Variants in NRG1 observed in about 807,000 individuals in gnomAD.
The protein encoded by NRG1 is pro-neuregulin-1, membrane-bound isoform.
A neutral mutation model predicts 63.8 loss-of-function variants in NRG1; 18 were observed. The ratio of observed to expected loss-of-function variants is 0.28; its 90% CI spans 0.19 to 0.42. The LOEUF (loss-of-function observed/expected upper bound fraction) is 0.42, where lower values mean the gene tolerates loss of function less well. Ranked by LOEUF, NRG1 falls within the 10% of genes least tolerant of loss-of-function variation. The pLI is 1.00. For synonymous variants in NRG1, 302 were observed against 301.3 expected (o/e 1.00, Z -0.02); for missense variants, 762 against 814.7 (o/e 0.94, Z 0.79).
At chr8:31,831,512 G>A (rs1341927569) in intron 1 of NRG1, among the ~76,000 whole-genome samples, 2 of 152,162 alleles carry the variant, frequency 1.3e-5, no homozygotes, top group South Asian at 2.1e-4. Flanking sequence ...TGAGACAGAT[G>A]TAAAACAATT....
chr8:32,233,543 A>G (rs1196194593), intron 1 of NRG1, among the ~76,000 whole-genome samples: 2 of 53,660 alleles, frequency 3.7e-5, no homozygotes, highest in African/African-American at 2.8e-4. Context: ...AAGAATATAT[A>G]TATATATATA....
chr8:31,894,815 G>C (rs1451367886), intron 1 of NRG1, among the ~76,000 whole-genome samples: 1 of 152,058 alleles, frequency 6.6e-6, no homozygotes, highest in Non-Finnish European at 1.5e-5. Flanking sequence ...CTGCCAAAGT[G>C]CTGGGATTAC....
intron 5 of NRG1, among the ~76,000 whole-genome samples, chr8:32,699,783 T>G (rs985133369): frequency 1.3e-5 from 2 of 152,154 alleles, no homozygotes; most frequent in Non-Finnish European, 2.9e-5. Context: ...ATAATGTCAA[T>G]GTGTAAATCC....
At chr8:32,678,911 C>CCT (rs5890677) in intron 5 of NRG1, among the ~76,000 whole-genome samples, 2 of 151,588 alleles carry the variant, frequency 1.3e-5, no homozygotes, top group East Asian at 3.9e-4. Context: ...TTATTGGTGA[C>CCT]GAGCTGGGTA....
intron 1 of NRG1, among the ~76,000 whole-genome samples, chr8:32,470,030 ATTTTTT>A (rs71208185): frequency 2.3e-5 from 3 of 132,644 alleles, no homozygotes; most frequent in African/African-American, 2.8e-5. Context: ...CGCCCAGCTA[ATTTTTT>A]TTTTTTTTTT....
In NRG1 at chr8:31,727,234, G is replaced by T. The variant is rs191485012; in HGVS notation, c.37+87803G>T. Among the ~76,000 whole-genome samples, 4 of 152,214 alleles carry T rather than the reference G, an allele frequency of 2.6e-5. No individual in the cohort carries two copies. The South Asian group carries it at 8.3e-4, about 32-fold the overall frequency. Reference sequence around the variant, plus strand: ...AAAACATAATTGTCAAAACAGGAGGGTATGTGGTATGTGCATGTTTCCAGG... The same window carrying T: ...AAAACATAATTGTCAAAACAGGAGGTTATGTGGTATGTGCATGTTTCCAGG... On this transcript the variant is annotated intron_variant, in intron 1 of 10. Coordinates refer to the NRG1 transcript ENST00000519301.
intron 1 of NRG1, among the ~76,000 whole-genome samples, chr8:31,984,439 TAGAC>T (rs1212165786): frequency 3.3e-5 from 5 of 152,150 alleles, no homozygotes; most frequent in African/African-American, 1.2e-4. Context: ...TCTTTAAAAA[TAGAC>T]AGATGATGAC....
At chr8:32,666,311 C>T (rs1391777278) in intron 5 of NRG1, among the ~76,000 whole-genome samples, 1 of 152,172 alleles carries the variant, frequency 6.6e-6, no homozygotes, top group Non-Finnish European at 1.5e-5. Flanking sequence ...TGCTTCACCG[C>T]TTCAGACCCT....
At chr8:32,729,847 C>T (rs184903215) in intron 6 of NRG1, among the ~76,000 whole-genome samples, 3 of 152,152 alleles carry the variant, frequency 2.0e-5, no homozygotes, top group Non-Finnish European at 2.9e-5. Context: ...GTGTCTGTAG[C>T]GTGCCTGATG....
At chr8:31,862,671 G>GT (rs1373009880) in intron 1 of NRG1, among the ~76,000 whole-genome samples, 2 of 152,230 alleles carry the variant, frequency 1.3e-5, no homozygotes, top group African/African-American at 4.8e-5. Flanking sequence ...AATTTTGCTT[G>GT]TTTTTTGTTT....
At chr8:32,547,937 G>A (rs1376821187), upstream of NRG1, among the ~76,000 whole-genome samples, 2 of 152,144 alleles carry the variant, frequency 1.3e-5, no homozygotes, top group East Asian at 1.9e-4. Flanking sequence ...ATGGGACGGA[G>A]CAGCCCTCCC....
intron 1 of NRG1, among the ~76,000 whole-genome samples, chr8:32,490,989 A>T (rs777741353): frequency 6.6e-6 from 1 of 152,160 alleles, no homozygotes; most frequent in Non-Finnish European, 1.5e-5. Flanking sequence ...AGAAGAATAC[A>T]TAGTATATTA....
intron 1 of NRG1, among the ~76,000 whole-genome samples, chr8:32,127,657 G>A (rs185084850): frequency 6.6e-6 from 1 of 151,606 alleles, no homozygotes; most frequent in African/African-American, 2.4e-5. Flanking sequence ...GGCTCCTGTA[G>A]CTCCTAATCT....
At chr8:32,620,397 A>G (rs1452465446) in intron 5 of NRG1, among the ~76,000 whole-genome samples, 1 of 151,940 alleles carries the variant, frequency 6.6e-6, no homozygotes, top group Non-Finnish European at 1.5e-5. Context: ...GTTCTCTGCG[A>G]TTTGGGGGTC....
intron 1 of NRG1, among the ~76,000 whole-genome samples, chr8:32,587,764 A>G (rs1401148660): frequency 6.6e-6 from 1 of 152,156 alleles, no homozygotes; most frequent in African/African-American, 2.4e-5. Context: ...TAGGTATAGT[A>G]TCAATCCAAA....
chr8:32,370,696 G>C (rs1587141372), intron 1 of NRG1, among the ~76,000 whole-genome samples: 1 of 151,030 alleles, frequency 6.6e-6, no homozygotes, highest in Admixed American at 6.6e-5. Flanking sequence ...TGTCGCTACT[G>C]AAAATACAAA....
intron 1 of NRG1, among the ~76,000 whole-genome samples, chr8:32,056,373 C>G (rs1822944183): frequency 6.6e-6 from 1 of 152,136 alleles, no homozygotes; most frequent in Admixed American, 6.6e-5. Flanking sequence ...TCGCTGTGAC[C>G]AGTGTGGGCA....
intron 1 of NRG1, among the ~76,000 whole-genome samples, chr8:31,826,551 T>A (rs1410997109): frequency 6.6e-6 from 1 of 152,212 alleles, no homozygotes; most frequent in African/African-American, 2.4e-5. Flanking sequence ...CTTTTCTTTA[T>A]AAATTACCAA....
intron 1 of NRG1, among the ~76,000 whole-genome samples, chr8:32,188,358 C>G (rs573230607): frequency 1.3e-5 from 2 of 152,186 alleles, no homozygotes; most frequent in Admixed American, 6.5e-5. Flanking sequence ...TGAACCACTA[C>G]GCCCAGCTGG....
Sources: gnomAD v4.1 joint callset for allele counts (sites outside exome capture counted in the v4.1 genomes callset) on GRCh38, gnomAD v4.1.1 for gene constraint, MANE v1.5 for transcripts, NCBI Gene and HGNC (gene_info 2026-07-23, HGNC 2026-07-21) for gene names.